OARD1: variants seen among roughly 807,000 people sequenced by gnomAD.
OARD1 encodes O-acyl-ADP-ribose deacylase 1.
OARD1 carries 19 observed loss-of-function variants against 19.7 expected under a neutral mutation model. The ratio of observed to expected loss-of-function variants is 0.96; its 90% CI spans 0.67 to 1.41. OARD1 has a LOEUF of 1.41. OARD1 is among the 40% of genes most tolerant of loss of function. OARD1 has a pLI of 0.00. For missense variants in OARD1, 190 were observed against 183.8 expected (o/e 1.03, Z -0.20); for synonymous variants, 70 against 61.8 (o/e 1.13, Z -0.62).
chr6:41,091,713 C>T, intron 1 of OARD1: 1 of 1,603,936 alleles, frequency 6.2e-7, no homozygotes, highest in South Asian at 1.1e-5. Flanking sequence ...ATGTATTTTT[C>T]AGCTTTGTCT....
rs1051234119 is a variant in OARD1, at chr6:41,094,267, A to G, written c.-42+3446T>C. On this transcript the variant is annotated intron_variant, in intron 1 of 4. Transcript: ENST00000480585. The stretch of plus-strand genomic sequence containing the variant: ...TCTCCAAAGCTTCCATCGTCATTCT[A>G]AGTCATAATTGTCCCTTGTGACTTT... The G allele has an allele frequency of 5.9e-5, 41 of 699,484 alleles. No homozygotes were observed. The East Asian group carries it at 9.5e-4, about 16-fold the overall frequency. The allele number at this position is 699,484 out of a possible 1,614,324, so 43.3% of individuals were successfully genotyped here.
intron 1 of OARD1, chr6:41,094,597 C>A: frequency 1.2e-6 from 1 of 810,028 alleles, no homozygotes; most frequent in Non-Finnish European, 2.1e-6. Flanking sequence ...TACTCTGGGA[C>A]TACTCACATT....
intron 2 of OARD1, 148 bp from the exon 3 acceptor site, chr6:41,071,424 TA>T: frequency 1.0e-6 from 1 of 999,816 alleles, no homozygotes; most frequent in Non-Finnish European, 1.5e-6. Context: ...ACAGCATGTG[TA>T]AAAGGAAAGT....
At chr6:41,070,950 C>G in intron 3 of OARD1, 182 bp downstream of exon 3, 1 of 638,690 alleles carries the variant, frequency 1.6e-6, no homozygotes, top group Non-Finnish European at 2.8e-6. Context: ...GATTAAAAAC[C>G]TTCACAGGAG....
intron 1 of OARD1, among the ~76,000 whole-genome samples, chr6:41,093,773 G>T (rs925972598): frequency 4.6e-5 from 7 of 152,194 alleles, no homozygotes; most frequent in Non-Finnish European, 7.3e-5. Context: ...ACCCGGCCAG[G>T]TACCCTTTCT....
chr6:41,077,630 A>G (rs572855945), intron 1 of OARD1, among the ~76,000 whole-genome samples: 29 of 152,336 alleles, frequency 1.9e-4, no homozygotes, highest in African/African-American at 6.5e-4. Context: ...CTGATTTTCT[A>G]TTCTATACCC....
At chr6:41,087,985 A>G (rs1350711441) in intron 1 of OARD1, among the ~76,000 whole-genome samples, 5 of 152,212 alleles carry the variant, frequency 3.3e-5, no homozygotes, top group Non-Finnish European at 7.3e-5. Flanking sequence ...GATACAAATT[A>G]AATCAACAAA....
chr6:41,073,603 C>T (rs1763615474), upstream of OARD1, among the ~76,000 whole-genome samples: 1 of 152,132 alleles, frequency 6.6e-6, no homozygotes, highest in Admixed American at 6.5e-5. Flanking sequence ...TCTGTCTTAT[C>T]TGCAGCCCCT....
intron 1 of OARD1, among the ~76,000 whole-genome samples, chr6:41,088,352 G>A (rs1170838948): frequency 1.3e-5 from 2 of 150,108 alleles, no homozygotes; most frequent in Admixed American, 1.3e-4. Flanking sequence ...GAACCCAGGA[G>A]GCGGAGCTTG....
At chr6:41,080,244 A>G (rs1008718672) in intron 1 of OARD1, among the ~76,000 whole-genome samples, 1 of 152,122 alleles carries the variant, frequency 6.6e-6, no homozygotes, top group African/African-American at 2.4e-5. Context: ...AAGCCCAGGA[A>G]TTCAAGACCA....
In OARD1 at chr6:41,092,814, G is replaced by C. The variant is rs939717021; in HGVS notation, c.-42+4899C>G. 3 of 1,279,404 alleles carry C rather than the reference G, an allele frequency of 2.3e-6. No individual in the cohort carries two copies. In the Admixed American group the frequency reaches 7.0e-5, roughly 30 times the overall value. The allele number at this position is 1,279,404 out of a possible 1,614,324, so 79.3% of individuals were successfully genotyped here. ...AAGTACCCTATAAAAATTACTTTTT[G>C]TGGCATTTACAAAAAAAATGGATGA... On this transcript the variant is annotated intron_variant, in intron 1 of 4. Coordinates refer to the OARD1 transcript ENST00000480585.
intron 3 of OARD1, 157 bp downstream of exon 3, chr6:41,070,975 G>T: frequency 2.7e-6 from 2 of 731,402 alleles, no homozygotes; most frequent in South Asian, 3.2e-5. Flanking sequence ...GTTTTGATAT[G>T]GTAAACGTCT....
At chr6:41,084,244 G>T (rs1174412566) in intron 1 of OARD1, 6 of 1,581,670 alleles carry the variant, frequency 3.8e-6, no homozygotes, top group Non-Finnish European at 5.2e-6. Context: ...AGGTTTCAAA[G>T]AATAGATTAT....
At chr6:41,075,749 C>G (rs546241401), upstream of OARD1, 3 of 150,264 alleles carry the variant, frequency 2.0e-5, no homozygotes, top group Non-Finnish European at 4.4e-5. Flanking sequence ...TTTTTTAAGC[C>G]TTGTTGATTT....
intron 1 of OARD1, among the ~76,000 whole-genome samples, chr6:41,086,569 C>T (rs982997113): frequency 2.0e-5 from 3 of 152,032 alleles, no homozygotes; most frequent in Non-Finnish European, 2.9e-5. Flanking sequence ...AAGAAGACTA[C>T]TTCTTAACCT....
chr6:41,075,765 C>T (rs1400033855), upstream of OARD1: 1 of 151,770 alleles, frequency 6.6e-6, no homozygotes, highest in East Asian at 1.9e-4. Context: ...GATTTATCCC[C>T]AGCTGGAACA....
At chr6:41,088,423 C>CAAAAAAAAA (rs34590854) in intron 1 of OARD1, among the ~76,000 whole-genome samples, 1 of 64,712 alleles carries the variant, frequency 1.5e-5, no homozygotes, top group Non-Finnish European at 3.0e-5. Flanking sequence ...ACTCCGTCTC[C>CAAAAAAAAA]AAAAAAAAAA....
intron 1 of OARD1, among the ~76,000 whole-genome samples, 189 bp downstream of exon 1, chr6:41,072,047 G>A (rs1180470407): frequency 1.3e-5 from 2 of 152,350 alleles, no homozygotes; most frequent in African/African-American, 4.8e-5. Flanking sequence ...TGGCTTAGAA[G>A]AAAACAGAAG....
At chr6:41,072,010 G>A (rs986101678) in intron 1 of OARD1, among the ~76,000 whole-genome samples, 1 of 152,226 alleles carries the variant, frequency 6.6e-6, no homozygotes, top group African/African-American at 2.4e-5. Context: ...TTCTCTGCAC[G>A]ACGCAAAAGT....
Sources: allele counts gnomAD v4.1 joint callset (sites outside exome capture counted in the v4.1 genomes callset), GRCh38; gene constraint gnomAD v4.1.1; transcripts MANE v1.5; gene names NCBI Gene and HGNC (gene_info 2026-07-23, HGNC 2026-07-21).